Variants in EPHA4 observed in about 807,000 individuals in gnomAD.
The protein encoded by EPHA4 is ephrin type-A receptor 4.
A neutral mutation model predicts 108.3 loss-of-function variants in EPHA4; 19 were observed. The ratio of observed to expected loss-of-function variants is 0.18; its 90% CI spans 0.12 to 0.26. The LOEUF (loss-of-function observed/expected upper bound fraction) is 0.26. Ranked by LOEUF, EPHA4 falls within the 10% of genes least tolerant of loss-of-function variation. The pLI is 1.00. For missense variants in EPHA4, 917 were observed against 1,254.0 expected, an observed-to-expected ratio of 0.73 and a Z score of 4.06; for synonymous variants, 449 against 455.5, an observed-to-expected ratio of 0.99 and a Z score of 0.18.
intron 8 of EPHA4, among the ~76,000 whole-genome samples, chr2:221,451,737 G>A (rs1020167973): frequency 2.0e-5 from 3 of 152,124 alleles, no homozygotes; most frequent in Non-Finnish European, 2.9e-5. Context: ...AAATTAAGTT[G>A]CTTAACATAA....
intron 14 of EPHA4, among the ~76,000 whole-genome samples, chr2:221,433,378 C>T (rs1472972233): frequency 1.3e-5 from 2 of 152,112 alleles, no homozygotes; most frequent in Non-Finnish European, 2.9e-5. Flanking sequence ...TAGGAAAGTT[C>T]GAAAAGTATA....
rs201665154 is a variant in EPHA4, at chr2:221,457,849, G to A, written c.1443+17C>T. On this transcript the variant is annotated intron_variant, in intron 6 of 17. Transcript: ENST00000281821. ...GGAAGGAAGAAAGGAAAGGAGTGTTGTTCACTCAAGTAATACCTTCTCATA... is the reference window on the plus strand; with the variant it reads ...GGAAGGAAGAAAGGAAAGGAGTGTTATTCACTCAAGTAATACCTTCTCATA... 1 of 1,610,442 alleles carries A rather than the reference G, an allele frequency of 6.2e-7. No individual in the cohort carries two copies. The highest frequency in any genetic ancestry group is 1.7e-5 in the Admixed American group (1 of 59,682).
intron 3 of EPHA4, among the ~76,000 whole-genome samples, chr2:221,528,339 C>A (rs1394731051): frequency 6.6e-6 from 1 of 152,130 alleles, no homozygotes; most frequent in Non-Finnish European, 1.5e-5. Flanking sequence ...GGCTCGGTAA[C>A]CATTTAAACA....
intron 5 of EPHA4, among the ~76,000 whole-genome samples, chr2:221,464,386 A>G (rs763802567): frequency 6.6e-6 from 1 of 152,196 alleles, no homozygotes; most frequent in Admixed American, 6.5e-5. Flanking sequence ...AATGCTGTCA[A>G]GCATCAGAAT....
chr2:221,446,563 GTA>G (rs747504269), intron 8 of EPHA4, among the ~76,000 whole-genome samples: 3 of 151,876 alleles, frequency 2.0e-5, no homozygotes, highest in Non-Finnish European at 4.4e-5. Context: ...GTGTGTATAT[GTA>G]TATATACATT....
At chr2:221,479,440 A>T (rs985551679) in intron 5 of EPHA4, among the ~76,000 whole-genome samples, 1 of 152,248 alleles carries the variant, frequency 6.6e-6, no homozygotes, top group Non-Finnish European at 1.5e-5. Flanking sequence ...ATGGAGAACC[A>T]CTAACTTTTG....
Position 221,435,829 on chromosome 2 carries a change from T to C in EPHA4, c.2346+570A>G, listed in dbSNP as rs1215673251. On this transcript the variant is annotated intron_variant, in intron 13 of 17. Transcript: ENST00000281821. ...ATGTTTTATAAATCCTGTATATACA[T>C]TCTGAGATTTGGTAGCCAACCAACT... 2.0e-5 allele frequency among the ~76,000 whole-genome samples: 3 copies of C among 152,130 alleles called. No homozygotes were observed. The East Asian group carries it at 5.8e-4, about 29-fold the overall frequency.
At chr2:221,566,941 AAGGAGAAGGAGAAGG>A (rs1559297322) in intron 2 of EPHA4, among the ~76,000 whole-genome samples, 1 of 71,352 alleles carries the variant, frequency 1.4e-5, no homozygotes, top group African/African-American at 8.3e-5. Context: ...GGAGAAGGAG[AAGGAGAAGGAGAAGG>A]GGAAGAGGAA....
rs149102929 is a variant in EPHA4 at position 221,437,316 on chromosome 2, C to T, written c.2075-194G>A. The stretch of plus-strand genomic sequence containing the variant: ...TAAAAGGACGAGTAGGTTTAAATTC[C>T]ATCTGGATAGTTAAACCTTTGGGTG... On this transcript the variant is annotated intron_variant, in intron 11 of 17. Transcript: ENST00000281821. 1.3e-4 allele frequency: 62 copies of T among 492,510 alleles called. No homozygotes were observed. In the East Asian group the frequency reaches 1.9e-3, roughly 15 times the overall value. 30.5% of individuals were successfully genotyped at this position (492,510 alleles called of 1,614,324 possible).
intron 3 of EPHA4, among the ~76,000 whole-genome samples, chr2:221,531,632 T>C (rs1419931101): frequency 6.6e-6 from 1 of 152,122 alleles, no homozygotes; most frequent in African/African-American, 2.4e-5. Flanking sequence ...TCTTCATTGG[T>C]GTAGTATCTA....
chr2:221,562,639 A>C (rs1278749317), intron 3 of EPHA4, among the ~76,000 whole-genome samples: 1 of 152,240 alleles, frequency 6.6e-6, no homozygotes, highest in Non-Finnish European at 1.5e-5. Context: ...CCAGAATTAC[A>C]TTCTAACTAT....
intron 4 of EPHA4, among the ~76,000 whole-genome samples, chr2:221,491,908 T>C (rs1692156333): frequency 6.6e-6 from 1 of 151,918 alleles, no homozygotes; most frequent in Non-Finnish European, 1.5e-5. Context: ...CCTAGCACCC[T>C]GGGAGGCTGA....
chr2:221,553,457 G>GC (rs1694219173), intron 3 of EPHA4, among the ~76,000 whole-genome samples: 1 of 152,126 alleles, frequency 6.6e-6, no homozygotes, highest in Admixed American at 6.5e-5. Flanking sequence ...CATGAGGTTG[G>GC]CCCATATTTA....
chr2:221,434,022 G>A, intron 14 of EPHA4, 120 bp downstream of exon 14: 1 of 952,930 alleles, frequency 1.0e-6, no homozygotes, highest in Non-Finnish European at 1.5e-6. Flanking sequence ...AGATATATCT[G>A]TATTAAGAAA....
At chr2:221,426,939 G>A (rs756506098) in intron 15 of EPHA4, among the ~76,000 whole-genome samples, 2 of 152,268 alleles carry the variant, frequency 1.3e-5, no homozygotes, top group South Asian at 2.1e-4. Context: ...CCTCATGGCC[G>A]AAACCTGTTC....
At chr2:221,495,594 C>T (rs775974067) in intron 4 of EPHA4, among the ~76,000 whole-genome samples, 6 of 152,194 alleles carry the variant, frequency 3.9e-5, no homozygotes, top group Non-Finnish European at 8.8e-5. Flanking sequence ...ATAGAAACAT[C>T]TCAGCACATC....
chr2:221,505,475 G>A (rs1187870333), intron 3 of EPHA4, among the ~76,000 whole-genome samples: 1 of 151,978 alleles, frequency 6.6e-6, no homozygotes, highest in Admixed American at 6.6e-5. Flanking sequence ...ACAGGCGCCT[G>A]CCACTACGCC....
At chr2:221,445,356 G>A (rs867575557) in intron 9 of EPHA4, among the ~76,000 whole-genome samples, 28 of 151,980 alleles carry the variant, frequency 1.8e-4, no homozygotes, top group South Asian at 2.1e-4. Flanking sequence ...TTGGGAGGCC[G>A]AGGCGGGCGG....
chr2:221,463,007 TA>T (rs1691196486), intron 5 of EPHA4, among the ~76,000 whole-genome samples: 1 of 152,168 alleles, frequency 6.6e-6, no homozygotes. Flanking sequence ...GAAAGGATCC[TA>T]AGCCTCCAAA....
Sources: gnomAD v4.1 joint callset for allele counts (sites outside exome capture counted in the v4.1 genomes callset) on GRCh38, gnomAD v4.1.1 for gene constraint, MANE v1.5 for transcripts, NCBI Gene and HGNC (gene_info 2026-07-23, HGNC 2026-07-21) for gene names.